Variants in USP32 observed in about 807,000 individuals in gnomAD.
The protein encoded by USP32 is ubiquitin carboxyl-terminal hydrolase 32.
A neutral mutation model predicts 204.8 loss-of-function variants in USP32; 59 were observed. The ratio of observed to expected loss-of-function variants is 0.29; its 90% confidence interval spans 0.23 to 0.36. USP32 has a LOEUF of 0.36. Among genes scored for constraint, USP32 ranks in the 10% least tolerant of loss-of-function variants. The probability of loss-of-function intolerance (pLI) is 1.00; values close to 1 mark genes in which losing one functional copy is unlikely to be tolerated. For missense variants in USP32, 1,160 were observed against 1,946.4 expected, an observed-to-expected ratio of 0.60 and a Z score of 7.60; for synonymous variants, 517 against 678.4, an observed-to-expected ratio of 0.76 and a Z score of 3.70.
intron 11 of USP32, among the ~76,000 whole-genome samples, chr17:60,248,009 C>G (rs1489520921): frequency 1.3e-5 from 2 of 152,282 alleles, no homozygotes; most frequent in Non-Finnish European, 1.5e-5. Context: ...GTTCTCTGTT[C>G]TGTTCCATTG....
At chr17:60,284,835 A>G (rs2087068869) in intron 5 of USP32, among the ~76,000 whole-genome samples, 3 of 152,152 alleles carry the variant, frequency 2.0e-5, no homozygotes, top group African/African-American at 4.8e-5. Context: ...CCAGTTTTAG[A>G]TAAGAATCCA....
chr17:60,340,910 A>G (rs375099637), intron 2 of USP32, among the ~76,000 whole-genome samples: 1 of 151,798 alleles, frequency 6.6e-6, no homozygotes. Flanking sequence ...AAAGGATTTT[A>G]TTTCTCCTTC....
At chr17:60,389,933 C>T (rs987310775) in intron 1 of USP32, among the ~76,000 whole-genome samples, 9 of 151,964 alleles carry the variant, frequency 5.9e-5, no homozygotes, top group African/African-American at 2.2e-4. Context: ...AGGAGAATGG[C>T]GTGAACCCGG....
intron 1 of USP32, among the ~76,000 whole-genome samples, chr17:60,390,393 T>A (rs1274219977): frequency 6.6e-6 from 1 of 152,184 alleles, no homozygotes. Flanking sequence ...AGGCCAGACC[T>A]GTCAGGCTCA....
intron 1 of USP32, among the ~76,000 whole-genome samples, chr17:60,382,129 A>G (rs978851769): frequency 1.3e-5 from 2 of 152,220 alleles, no homozygotes; most frequent in African/African-American, 2.4e-5. Flanking sequence ...AGATAAGCTC[A>G]CCGGCAAACT....
chr17:60,267,713 G>A (rs1391121581), intron 7 of USP32, among the ~76,000 whole-genome samples: 3 of 152,004 alleles, frequency 2.0e-5, no homozygotes, highest in Admixed American at 2.0e-4. Flanking sequence ...TAGAGACAGG[G>A]TTTCACCATA....
At chr17:60,255,298 CTTTTTTTTT>C (rs747340163) in intron 9 of USP32, 40 bp from the exon 10 acceptor site, 7 of 1,101,230 alleles carry the variant, frequency 6.4e-6, no homozygotes, top group South Asian at 1.5e-5. Flanking sequence ...TCTTTTTTTT[CTTTTTTTTT>C]TTTTTTTTGA....
chr17:60,255,111 A>G (rs2086263224), intron 10 of USP32, 64 bp downstream of exon 10: 1 of 1,204,352 alleles, frequency 8.3e-7, no homozygotes, highest in Non-Finnish European at 1.2e-6. Flanking sequence ...CTACTATATG[A>G]TGGAAAAGAT....
chr17:60,339,204 C>T (rs546582021), intron 2 of USP32, among the ~76,000 whole-genome samples: 1 of 152,052 alleles, frequency 6.6e-6, no homozygotes, highest in South Asian at 2.1e-4. Context: ...AGCCACCGCG[C>T]CCAGCCTAGA....
At chr17:60,272,230 T>C (rs1042109150) in intron 5 of USP32, among the ~76,000 whole-genome samples, 3 of 152,168 alleles carry the variant, frequency 2.0e-5, no homozygotes, top group African/African-American at 7.2e-5. Context: ...ATCCTGTCAA[T>C]ACAATTAATG....
At chr17:60,329,320 G>T (rs576760748) in intron 2 of USP32, among the ~76,000 whole-genome samples, 162 of 150,866 alleles carry the variant, frequency 1.1e-3, no homozygotes, top group African/African-American at 3.8e-3. Context: ...GTTCCAGAGG[G>T]GTCTTAGGAT....
At chr17:60,218,210 C>A (rs1297703083) in intron 16 of USP32, among the ~76,000 whole-genome samples, 1 of 151,968 alleles carries the variant, frequency 6.6e-6, no homozygotes, top group African/African-American at 2.4e-5. Context: ...TGGTGAAACC[C>A]CGTCTCTATT....
chr17:60,379,131 C>A (rs187772579), intron 1 of USP32, among the ~76,000 whole-genome samples: 19 of 152,106 alleles, frequency 1.2e-4, no homozygotes, highest in Non-Finnish European at 2.8e-4. Context: ...CAGTCAAAAT[C>A]ATAATTTAGT....
chr17:60,228,771 T>C (rs1411466870), intron 12 of USP32, among the ~76,000 whole-genome samples: 3 of 151,380 alleles, frequency 2.0e-5, no homozygotes, highest in African/African-American at 7.3e-5. Flanking sequence ...TTGAAGTGAG[T>C]TGAGATCATG....
intron 12 of USP32, among the ~76,000 whole-genome samples, chr17:60,227,416 C>T (rs2085424852): frequency 6.6e-6 from 1 of 151,698 alleles, no homozygotes; most frequent in African/African-American, 2.4e-5. Flanking sequence ...ATTACAGGTG[C>T]ATGCCACCAA....
At chr17:60,244,671 G>A (rs1385517247) in intron 11 of USP32, among the ~76,000 whole-genome samples, 1 of 151,892 alleles carries the variant, frequency 6.6e-6, no homozygotes, top group Non-Finnish European at 1.5e-5. Context: ...TTGCTCTGTC[G>A]CCCAGGCTGG....
chr17:60,179,316 T>G lies in USP32; in HGVS notation c.4754A>C (p.Asp1585Ala), dbSNP rs374592512. 6.2e-7 allele frequency: 1 copy of G among 1,613,908 alleles called. No individual in the cohort carries two copies. The highest frequency in any genetic ancestry group is 1.3e-5 in the African/African-American group (1 of 74,936). Residue 1585 changes from aspartate to alanine, a missense_variant, in exon 34 of 34, where the codon GAC becomes GCC. Physicochemically the swap from Asp to Ala is moderately radical, Grantham distance 126. Coordinates refer to ENST00000300896, the MANE Select transcript of USP32 (RefSeq NM_032582.4). ...AAAGTCTTCATCCATACTGCTTGTG[T>G]CTGCCATCTTTTTGCCATCAGTCTT... is the stretch of plus-strand genomic sequence containing the variant. The part of the protein sequence containing the change: ...LPKTDGKKMA[D>A]TSSMDEDFES...
intron 1 of USP32, among the ~76,000 whole-genome samples, chr17:60,380,200 A>G (rs2089622557): frequency 6.6e-6 from 1 of 152,206 alleles, no homozygotes; most frequent in Non-Finnish European, 1.5e-5. Flanking sequence ...CAAAATTATT[A>G]GAATAGATAA....
In USP32 at chr17:60,288,544, T is replaced by C; in HGVS notation, c.550A>G (p.Thr184Ala). 6.2e-7 allele frequency: 1 copy of C among 1,601,686 alleles called. No homozygotes were observed. Among genetic ancestry groups the C allele is most frequent in the Non-Finnish European group, 8.5e-7 (1 of 1,175,730 alleles). The change falls in exon 5 of 34, where the codon ACT becomes GCT. Residue 184 changes from threonine to alanine, a missense_variant. By Grantham distance (58) the Thr-to-Ala change is moderately conservative (BLOSUM62 0). Around this residue, in one of 8 missense-constraint regions of USP32, gnomAD observed 536 missense variants for 680.9 expected, o/e 0.79. Coordinates refer to ENST00000300896, the MANE Select transcript of USP32 (RefSeq NM_032582.4). ...TTACAATGTGTGACTCCAGCCAGAGTTTGGTAGAAAGTAGGAGTATCACTA... is the reference window on the plus strand; with the variant it reads ...TTACAATGTGTGACTCCAGCCAGAGCTTGGTAGAAAGTAGGAGTATCACTA... ...DDSDTPTFYQTLAGVTHLEES... is the reference protein window; with the variant it reads ...DDSDTPTFYQALAGVTHLEES...
Sources: allele counts gnomAD v4.1 joint callset (sites outside exome capture counted in the v4.1 genomes callset), GRCh38; gene constraint gnomAD v4.1.1; regional missense constraint gnomAD v4.1.1; transcripts MANE v1.5; gene names NCBI Gene and HGNC (gene_info 2026-07-23, HGNC 2026-07-21).